ATF6: variants seen among roughly 807,000 people sequenced by gnomAD.
ATF6 encodes the protein cyclic AMP-dependent transcription factor ATF-6 alpha.
In ATF6, 53 loss-of-function variants were observed where a neutral mutation model predicts 83.6. The ratio of observed to expected loss-of-function variants is 0.63; its 90% CI spans 0.51 to 0.80. The LOEUF (loss-of-function observed/expected upper bound fraction) is 0.80, where lower values mean the gene tolerates loss of function less well. ATF6 is among the 30% of genes least tolerant of loss of function. ATF6 has a pLI of 0.00. For synonymous variants in ATF6, 288 were observed against 285.8 expected, an observed-to-expected ratio of 1.01 and a Z score of -0.08; for missense variants, 744 against 797.9, an observed-to-expected ratio of 0.93 and a Z score of 0.81.
At chr1:161,920,259 T>C in intron 15 of ATF6, among the ~76,000 whole-genome samples, 1 of 149,762 alleles carries the variant, frequency 6.7e-6, no homozygotes, top group East Asian at 2.0e-4. Context: ...TTTTAAAAAA[T>C]ACATAATCAT....
chr1:161,866,554 A>G (rs190886783), intron 14 of ATF6, among the ~76,000 whole-genome samples: 35 of 152,318 alleles, frequency 2.3e-4, no homozygotes, highest in African/African-American at 7.7e-4. Context: ...TTCTTTGCTT[A>G]GTTCCAGTTA....
chr1:161,881,761 G>A (rs1259452214), intron 14 of ATF6, among the ~76,000 whole-genome samples: 1 of 151,980 alleles, frequency 6.6e-6, no homozygotes, highest in Non-Finnish European at 1.5e-5. Flanking sequence ...GTTTTTCAAA[G>A]GGCAGAAATT....
chr1:161,849,259 C>T (rs1268163562), intron 10 of ATF6, among the ~76,000 whole-genome samples: 1 of 152,152 alleles, frequency 6.6e-6, no homozygotes, highest in Non-Finnish European at 1.5e-5. Flanking sequence ...GCATTCATTA[C>T]CTGTGCACCA....
chr1:161,859,336 G>C (rs944190675), intron 12 of ATF6, among the ~76,000 whole-genome samples: 3 of 152,008 alleles, frequency 2.0e-5, no homozygotes, highest in African/African-American at 7.3e-5. Context: ...CTGTTTTAGC[G>C]CTTATCGCAT....
intron 7 of ATF6, 98 bp from the exon 8 acceptor site, chr1:161,819,535 A>C (rs1685698931): frequency 2.0e-6 from 2 of 1,004,352 alleles, no homozygotes; most frequent in Non-Finnish European, 2.7e-6. Context: ...GCTTTGAAAA[A>C]ATTGTTGGTT....
chr1:161,819,878 T>C (rs1012511361), intron 8 of ATF6, 60 bp downstream of exon 8: 2 of 1,366,972 alleles, frequency 1.5e-6, no homozygotes, highest in Admixed American at 5.6e-5. Context: ...GATTAATAAA[T>C]AGAGAAACTT....
intron 7 of ATF6, among the ~76,000 whole-genome samples, chr1:161,805,631 G>A (rs1250714990): frequency 2.0e-5 from 3 of 152,116 alleles, no homozygotes; most frequent in Admixed American, 1.3e-4. Context: ...AGCTTGTATA[G>A]CCTTCTGTGT....
chr1:161,887,410 G>A (rs746943387), intron 14 of ATF6, among the ~76,000 whole-genome samples: 2 of 152,116 alleles, frequency 1.3e-5, no homozygotes, highest in Admixed American at 6.6e-5. Context: ...ACTACCAAGT[G>A]TTCATAAGCG....
chr1:161,804,665 G>C (rs977665866), intron 7 of ATF6, among the ~76,000 whole-genome samples: 4 of 128,884 alleles, frequency 3.1e-5, no homozygotes, highest in African/African-American at 9.9e-5. Flanking sequence ...AACCAGAAGA[G>C]CAACCCCCCT....
chr1:161,775,962 T>G (rs986555667), intron 1 of ATF6, among the ~76,000 whole-genome samples: 2 of 152,164 alleles, frequency 1.3e-5, no homozygotes, highest in African/African-American at 4.8e-5. Flanking sequence ...TGCATATGTG[T>G]GTACATATAT....
chr1:161,795,216 TAAA>T (rs1684986998), intron 6 of ATF6, among the ~76,000 whole-genome samples: 1 of 152,148 alleles, frequency 6.6e-6, no homozygotes, highest in African/African-American at 2.4e-5. Context: ...CATAAACAGT[TAAA>T]TAACAGTCAC....
At chr1:161,850,347 C>T (rs1571188062) in intron 10 of ATF6, among the ~76,000 whole-genome samples, 1 of 152,030 alleles carries the variant, frequency 6.6e-6, no homozygotes, top group African/African-American at 2.4e-5. Flanking sequence ...TTTGAGCCCA[C>T]CTTTCCCCCA....
intron 15 of ATF6, among the ~76,000 whole-genome samples, chr1:161,913,971 A>G (rs1329147123): frequency 1.3e-5 from 2 of 152,166 alleles, no homozygotes; most frequent in African/African-American, 4.8e-5. Flanking sequence ...CTGTTTGACT[A>G]TGTTTATCTT....
intron 14 of ATF6, chr1:161,890,875 A>T (rs776023326): frequency 3.3e-5 from 5 of 152,456 alleles, no homozygotes; most frequent in Non-Finnish European, 5.9e-5. Flanking sequence ...GCCCAAGCAC[A>T]GCTGGCCAAG....
chr1:161,875,418 G>T (rs1307739997), intron 14 of ATF6, among the ~76,000 whole-genome samples: 1 of 151,718 alleles, frequency 6.6e-6, no homozygotes, highest in Non-Finnish European at 1.5e-5. Flanking sequence ...TGAAAATACT[G>T]GTTCACTGAG....
At chr1:161,811,592 C>CA (rs1685458309) in intron 7 of ATF6, among the ~76,000 whole-genome samples, 2 of 152,120 alleles carry the variant, frequency 1.3e-5, no homozygotes, top group Admixed American at 6.5e-5. Context: ...AGAGAACACC[C>CA]AGGTATTCTT....
chr1:161,821,089 C>T lies in ATF6; in HGVS notation c.1115C>T (p.Pro372Leu). 6.2e-6 allele frequency: 10 copies of T among 1,612,396 alleles called. No homozygotes were observed. Among genetic ancestry groups the T allele is most frequent in the Non-Finnish European group, 8.5e-6 (10 of 1,179,050 alleles). Residue 372 changes from proline to leucine, a missense_variant, in exon 9 of 16, where the codon CCT becomes CTT. Pro to Leu is a moderately conservative substitution (Grantham distance 98, BLOSUM62 -3). Coordinates refer to ENST00000367942, the MANE Select transcript of ATF6 (RefSeq NM_007348.4). ...CTTTAGAACCAGAGGCTTAAAGTCC[C>T]TAGTCCAAAGCGAAGAGTTGTCTGT... ...VVSENQRLKVPSPKRRVVCVM... is the reference protein window; with the variant it reads ...VVSENQRLKVLSPKRRVVCVM...
chr1:161,768,935 C>A (rs1684327125), intron 1 of ATF6, among the ~76,000 whole-genome samples: 1 of 151,976 alleles, frequency 6.6e-6, no homozygotes, highest in Middle Eastern at 3.2e-3. Context: ...ATTAGTATGT[C>A]CTGTGATTTT....
intron 1 of ATF6, among the ~76,000 whole-genome samples, chr1:161,774,544 C>T (rs991861329): frequency 1.3e-5 from 2 of 152,060 alleles, no homozygotes; most frequent in Non-Finnish European, 2.9e-5. Context: ...TACACAGACT[C>T]CTCAGTTGTT....
Sources: allele counts gnomAD v4.1 joint callset (sites outside exome capture counted in the v4.1 genomes callset), GRCh38; gene constraint gnomAD v4.1.1; transcripts MANE v1.5; gene names NCBI Gene and HGNC (gene_info 2026-07-23, HGNC 2026-07-21).